CAB39: variants seen among roughly 807,000 people sequenced by gnomAD.
The protein encoded by CAB39 is calcium-binding protein 39.
Under a neutral mutation model 40.0 loss-of-function variants are expected in CAB39, and 8 were observed. The observed-to-expected ratio is 0.20, with a 90% CI of 0.12 to 0.36. CAB39 has a LOEUF of 0.36. Ranked by LOEUF, CAB39 falls within the 10% of genes least tolerant of loss-of-function variation. The pLI, the probability that CAB39 is intolerant of heterozygous loss-of-function variation, is 1.00. For missense variants in CAB39, 270 were observed against 401.1 expected (o/e 0.67, Z 2.79); for synonymous variants, 156 against 141.6 (o/e 1.10, Z -0.72).
intron 1 of CAB39, among the ~76,000 whole-genome samples, chr2:230,750,335 G>T (rs973625224): frequency 3.9e-5 from 6 of 152,128 alleles, no homozygotes; most frequent in African/African-American, 1.4e-4. Context: ...TATAAAGTGA[G>T]GCCACCTCTG....
At position 230,763,833 on chromosome 2, in the gene CAB39, AAATGGTGG is replaced by A. The variant is rs1695336445; in HGVS notation, c.114+3719_114+3726del. Among the ~76,000 whole-genome samples, 4 of 152,272 alleles carry A rather than the reference AAATGGTGG, an allele frequency of 2.6e-5. No individual in the cohort carries two copies. The South Asian group carries it at 8.3e-4, about 32-fold the overall frequency. On this transcript the variant is annotated intron_variant, in intron 2 of 8. Coordinates refer to ENST00000258418, the MANE Select transcript of CAB39 (RefSeq NM_016289.4). ...CATGTTTTGGTTGTTCAGAAAGTACAAATGGTGGCTGGGCATGGTGGCTCACACCTGTA... is the reference window on the plus strand; with the variant it reads ...CATGTTTTGGTTGTTCAGAAAGTACACTGGGCATGGTGGCTCACACCTGTA...
intron 1 of CAB39, among the ~76,000 whole-genome samples, chr2:230,736,417 C>G (rs1225837429): frequency 6.6e-6 from 1 of 152,010 alleles, no homozygotes; most frequent in Non-Finnish European, 1.5e-5. Context: ...CACGTCACCC[C>G]AGAGAGTTAG....
chr2:230,751,877 T>C (rs1695091280), intron 1 of CAB39, among the ~76,000 whole-genome samples: 3 of 152,202 alleles, frequency 2.0e-5, no homozygotes, highest in African/African-American at 7.2e-5. Flanking sequence ...TACAGGCTTT[T>C]CAGGTGACTT....
intron 1 of CAB39, among the ~76,000 whole-genome samples, chr2:230,719,502 G>C (rs1209385586): frequency 6.6e-6 from 1 of 152,174 alleles, no homozygotes; most frequent in African/African-American, 2.4e-5. Context: ...TAAAAGAGAT[G>C]GTTTATTATA....
At chr2:230,814,932 T>C (rs552869607) in intron 7 of CAB39, among the ~76,000 whole-genome samples, 3 of 152,318 alleles carry the variant, frequency 2.0e-5, no homozygotes, top group Admixed American at 2.0e-4. Flanking sequence ...CCATTCAGTT[T>C]TTTGCCAGGT....
intron 7 of CAB39, 79 bp downstream of exon 7, chr2:230,814,193 A>C: frequency 1.4e-6 from 1 of 738,994 alleles, no homozygotes; most frequent in South Asian, 1.8e-5. Context: ...GGAGATGTGC[A>C]GGATGGGTCA....
intron 5 of CAB39, among the ~76,000 whole-genome samples, chr2:230,808,696 G>A (rs1312751559): frequency 6.6e-6 from 1 of 152,140 alleles, no homozygotes; most frequent in Non-Finnish European, 1.5e-5. Context: ...AAATTGGGTA[G>A]GTCCTTCCTG....
chr2:230,719,004 T>G (rs1054939229), intron 1 of CAB39, among the ~76,000 whole-genome samples: 2 of 152,246 alleles, frequency 1.3e-5, no homozygotes, highest in African/African-American at 4.8e-5. Flanking sequence ...ACAAAGGTTG[T>G]ATTCAAAATA....
At chr2:230,747,334 A>G (rs1694993750) in intron 1 of CAB39, among the ~76,000 whole-genome samples, 1 of 152,254 alleles carries the variant, frequency 6.6e-6, no homozygotes. Flanking sequence ...GTAGTTTCCA[A>G]AAATTATTTC....
chr2:230,764,482 A>T (rs193032839), intron 2 of CAB39, among the ~76,000 whole-genome samples: 7 of 152,342 alleles, frequency 4.6e-5, no homozygotes, highest in Non-Finnish European at 7.4e-5. Flanking sequence ...TAGCTCCATC[A>T]TCAGTTTATG....
Position 230,720,800 on chromosome 2 carries a change from T to C in CAB39, c.-44+7570T>C, listed in dbSNP as rs1230033119. 2.6e-5 allele frequency among the ~76,000 whole-genome samples: 4 copies of C among 152,300 alleles called. No individual in the cohort carries two copies. In the South Asian group the frequency reaches 8.3e-4, roughly 32 times the overall value. ...TCAGTAAACAAGTTTTTTCCTGCTT[T>C]GATGGCATATCATCAGCCAGCCAGT... On this transcript the variant is annotated intron_variant, in intron 1 of 8. Coordinates refer to ENST00000258418, the MANE Select transcript of CAB39 (RefSeq NM_016289.4).
At chr2:230,773,467 A>G (rs748379497) in intron 2 of CAB39, among the ~76,000 whole-genome samples, 14 of 152,060 alleles carry the variant, frequency 9.2e-5, no homozygotes, top group Non-Finnish European at 1.5e-4. Context: ...ACCATAAAGC[A>G]CCCAGAAAGG....
At chr2:230,775,761 G>A (rs1460813764) in intron 2 of CAB39, among the ~76,000 whole-genome samples, 1 of 152,166 alleles carries the variant, frequency 6.6e-6, no homozygotes, top group Non-Finnish European at 1.5e-5. Flanking sequence ...TCTTGCAAGA[G>A]ATCCCCAGTT....
intron 1 of CAB39, among the ~76,000 whole-genome samples, chr2:230,753,265 A>G (rs1695121084): frequency 6.6e-6 from 1 of 152,200 alleles, no homozygotes; most frequent in Non-Finnish European, 1.5e-5. Context: ...ATATGAAAGT[A>G]ATATGTTAAC....
chr2:230,797,331 G>A (rs1279244174), intron 4 of CAB39, among the ~76,000 whole-genome samples: 1 of 152,002 alleles, frequency 6.6e-6, no homozygotes, highest in Non-Finnish European at 1.5e-5. Context: ...GTAATTAATT[G>A]AAATTAAATA....
chr2:230,776,393 G>A (rs1195590410), intron 2 of CAB39, among the ~76,000 whole-genome samples: 6 of 152,172 alleles, frequency 3.9e-5, no homozygotes, highest in Non-Finnish European at 8.8e-5. Flanking sequence ...CCAGAGCATT[G>A]ACATTGGTAT....
chr2:230,801,090 A>G (rs2466157), intron 5 of CAB39, among the ~76,000 whole-genome samples: 29,521 of 152,084 alleles, frequency 0.19, 3,712 homozygotes, highest in East Asian at 0.39. Context: ...TGGACTGTGC[A>G]TCTCAGGTGC....
intron 1 of CAB39, among the ~76,000 whole-genome samples, chr2:230,754,842 C>T (rs1262469185): frequency 1.3e-5 from 2 of 152,154 alleles, no homozygotes; most frequent in African/African-American, 4.8e-5. Flanking sequence ...CTATCGCTCG[C>T]CCGCTTCCCC....
At chr2:230,797,967 C>T (rs891695951) in intron 4 of CAB39, among the ~76,000 whole-genome samples, 4 of 151,840 alleles carry the variant, frequency 2.6e-5, no homozygotes, top group African/African-American at 7.3e-5. Context: ...TAGAAGAGAG[C>T]GATGTGTTTG....
Sources: gnomAD v4.1 joint callset for allele counts (sites outside exome capture counted in the v4.1 genomes callset) on GRCh38, gnomAD v4.1.1 for gene constraint, MANE v1.5 for transcripts, NCBI Gene and HGNC (gene_info 2026-07-23, HGNC 2026-07-21) for gene names.